The following SPANXN4 variants were observed in gnomAD, a reference collection of about 807,000 sequenced individuals.
SPANXN4 encodes the protein SPANX family member N4.
A neutral mutation model predicts 6.0 loss-of-function variants in SPANXN4; 5 were observed. The ratio of observed to expected loss-of-function variants is 0.83; its 90% CI spans 0.44 to 1.75. SPANXN4 has a LOEUF of 1.75. Among genes scored for constraint, SPANXN4 ranks in the 40% most tolerant of loss-of-function variants. The pLI is 0.02. For missense variants in SPANXN4, 157 were observed against 108.6 expected (o/e 1.45, Z -1.98); for synonymous variants, 45 against 38.0 (o/e 1.19, Z -0.68).
downstream of SPANXN4, among the ~76,000 whole-genome samples, chrX:143,037,428 A>G (rs1932849035): frequency 8.9e-6 from 1 of 111,761 alleles, no homozygotes; most frequent in Non-Finnish European, 1.9e-5. Flanking sequence ...AATAACATAA[A>G]TTATATGAAT....
intron 1 of SPANXN4, among the ~76,000 whole-genome samples, chrX:143,027,516 G>C (rs1460846022): frequency 1.8e-5 from 2 of 111,497 alleles, no homozygotes; most frequent in Non-Finnish European, 3.8e-5. Flanking sequence ...TGAGGCGAAG[G>C]AGGGTGACAG....
At chrX:143,031,358 C>T (rs1932808801) in intron 1 of SPANXN4, among the ~76,000 whole-genome samples, 1 of 110,877 alleles carries the variant, frequency 9.0e-6, no homozygotes, top group African/African-American at 3.3e-5. Flanking sequence ...CACGGGCTTA[C>T]TAGAGACTGA....
At chrX:143,033,950 C>A in intron 1 of SPANXN4, 75 bp from the exon 2 acceptor site, 1 of 936,583 alleles carries the variant, frequency 1.1e-6, no homozygotes, top group Non-Finnish European at 1.5e-6. Flanking sequence ...TCTTATAAAG[C>A]CCCCCTTGCT....
At chrX:143,034,840 T>C, downstream of SPANXN4, 1 of 834,477 alleles carries the variant, frequency 1.2e-6, no homozygotes, top group South Asian at 5.3e-5. Flanking sequence ...ACCTACCAAG[T>C]GTGGGGCACT....
intron 1 of SPANXN4, among the ~76,000 whole-genome samples, chrX:143,026,477 C>G (rs939432908): frequency 9.0e-6 from 1 of 111,478 alleles, no homozygotes; most frequent in Non-Finnish European, 1.9e-5. Context: ...GCCAGAACTC[C>G]CGTGGAATGT....
chrX:143,030,246 A>T (rs1322501170), intron 1 of SPANXN4, among the ~76,000 whole-genome samples: 1 of 110,568 alleles, frequency 9.0e-6, no homozygotes, highest in Non-Finnish European at 1.9e-5. Context: ...GTCCTGAATT[A>T]GCTCATTTTG....
chrX:143,026,989 G>A (rs1232413053), intron 1 of SPANXN4, among the ~76,000 whole-genome samples: 1 of 111,667 alleles, frequency 9.0e-6, no homozygotes, highest in Non-Finnish European at 1.9e-5. Flanking sequence ...CGGATGGTCT[G>A]CTTGTGAGGC....
chrX:143,034,539 G>C, exon 3 of SPANXN4: 1 of 1,155,001 alleles, frequency 8.7e-7, no homozygotes, highest in Non-Finnish European at 1.2e-6. Flanking sequence ...GTGTTCCTTG[G>C]AGCACGTGCA....
rs750299685 is a variant in SPANXN4, at chrX:143,034,253, T to C, written c.283+21T>C. The C allele has an allele frequency of 2.7e-5, 31 of 1,154,773 alleles. No homozygotes were observed. The South Asian group carries it at 3.9e-4, about 15-fold the overall frequency. On this transcript the variant is annotated intron_variant, in intron 2 of 2. Transcript: ENST00000370504. Reference sequence around the variant, plus strand: ...GGATGGTGGGCAGAATTAGTCCAAATTGGACAAATCATCACCACTGATGGC... The same window carrying C: ...GGATGGTGGGCAGAATTAGTCCAAACTGGACAAATCATCACCACTGATGGC...
At chrX:143,028,405 A>G (rs769789646) in intron 1 of SPANXN4, among the ~76,000 whole-genome samples, 5 of 111,019 alleles carry the variant, frequency 4.5e-5, no homozygotes, top group Non-Finnish European at 9.4e-5. Context: ...CAGTAAGAGA[A>G]GTGAAGCCTG....
At chrX:143,035,085 A>G (rs915051828), downstream of SPANXN4, among the ~76,000 whole-genome samples, 1 of 108,997 alleles carries the variant, frequency 9.2e-6, no homozygotes, top group African/African-American at 3.3e-5. Flanking sequence ...CAAAAAAAAA[A>G]AAAAAAAAAA....
rs1405766453 is a variant in SPANXN4 at position 143,034,329 on chromosome X, G to C, written c.283+97G>C. 1.2e-5 allele frequency: 13 copies of C among 1,040,267 alleles called. No individual in the cohort carries two copies. The Admixed American group carries it at 4.6e-4, about 37-fold the overall frequency. 85.7% of individuals were successfully genotyped at this position (1,040,267 alleles called of 1,213,427 possible). On this transcript the variant is annotated intron_variant, in intron 2 of 2. Transcript: ENST00000370504. The stretch of plus-strand genomic sequence containing the variant: ...GGAGCTGATGACTGTGTATACCTCT[G>C]CCTTTTTTTCTGATGGTGGGGAGGA...
chrX:143,036,159 A>G (rs779263220), downstream of SPANXN4, among the ~76,000 whole-genome samples: 13 of 108,975 alleles, frequency 1.2e-4, no homozygotes, highest in African/African-American at 4.3e-4. Flanking sequence ...GAGAATGAAA[A>G]TCTTTCTTCT....
chrX:143,037,940 ATT>A (rs1194144420), downstream of SPANXN4, among the ~76,000 whole-genome samples: 1 of 111,182 alleles, frequency 9.0e-6, no homozygotes, highest in East Asian at 2.8e-4. Flanking sequence ...TAAACCTCTT[ATT>A]TTTTTAATAA....
At chrX:143,035,822 T>C (rs1311500971), downstream of SPANXN4, among the ~76,000 whole-genome samples, 4 of 109,337 alleles carry the variant, frequency 3.7e-5, no homozygotes. Context: ...TTAAAAAAAT[T>C]CATGATATAA....
chrX:143,031,355 T>G (rs780491515), intron 1 of SPANXN4, among the ~76,000 whole-genome samples: 1 of 111,162 alleles, frequency 9.0e-6, no homozygotes, highest in East Asian at 2.9e-4. Context: ...AGACACGGGC[T>G]TACTAGAGAC....
At chrX:143,035,249 C>T (rs920283436), downstream of SPANXN4, among the ~76,000 whole-genome samples, 2 of 110,293 alleles carry the variant, frequency 1.8e-5, no homozygotes, top group Admixed American at 1.9e-4. Context: ...TTTCCATGGC[C>T]CAGTTTTATT....
chrX:143,027,069 A>T (rs1932782994), intron 1 of SPANXN4, among the ~76,000 whole-genome samples: 1 of 112,350 alleles, frequency 8.9e-6, no homozygotes. Context: ...GGCAGAGATA[A>T]GAGTTTGTGC....
chrX:143,028,439 TTTTG>T (rs1016071386), intron 1 of SPANXN4, among the ~76,000 whole-genome samples: 11 of 110,217 alleles, frequency 1.0e-4, no homozygotes, highest in Non-Finnish European at 1.3e-4. Flanking sequence ...TCTAGGGAGT[TTTTG>T]TTTGTTTGTT....
Sources: allele counts gnomAD v4.1 joint callset (sites outside exome capture counted in the v4.1 genomes callset), GRCh38; gene constraint gnomAD v4.1.1; transcripts MANE v1.5; gene names NCBI Gene and HGNC (gene_info 2026-07-23, HGNC 2026-07-21).